PLEKHG6: variants seen among roughly 807,000 people sequenced by gnomAD.
PLEKHG6 encodes pleckstrin homology and RhoGEF domain containing G6, also known as pleckstrin homology domain-containing family G member 6.
PLEKHG6 carries 91 observed loss-of-function variants against 97.5 expected under a neutral mutation model. The ratio of observed to expected loss-of-function variants is 0.93; its 90% CI spans 0.79 to 1.11. The LOEUF (loss-of-function observed/expected upper bound fraction) is 1.11, where lower values mean the gene tolerates loss of function less well. Among genes scored for constraint, PLEKHG6 ranks in the 50% most tolerant of loss-of-function variants. The pLI is 0.00. For missense variants in PLEKHG6, 1,044 were observed against 1,031.0 expected (o/e 1.01, Z -0.17); for synonymous variants, 466 against 425.5 (o/e 1.10, Z -1.17).
intron 10 of PLEKHG6, 33 bp from the exon 11 acceptor site, chr12:6,318,268 A>T: frequency 6.2e-7 from 1 of 1,613,026 alleles, no homozygotes; most frequent in Non-Finnish European, 8.5e-7. Flanking sequence ...CAGACTGCCG[A>T]GCGCCCTGAC....
In PLEKHG6 at chr12:6,319,106, C is replaced by T. The variant is rs1947607159; in HGVS notation, c.1522C>T (p.Gln508Ter). 1 of 1,601,442 alleles carries T rather than the reference C, an allele frequency of 6.2e-7. No homozygotes were observed. The highest frequency in any genetic ancestry group is 1.1e-5 in the South Asian group (1 of 90,260). ...AQWLEKTQQA[Q>*]AALQKLKAEE... The stretch of plus-strand genomic sequence containing the variant: ...GTGGCTGGAGAAGACCCAGCAGGCC[C>T]AGGTATGGGAAAGCCAGCAACGGGG... Residue 508 changes from glutamine (Q) to a stop codon, truncating the protein, a stop_gained and splice_region_variant, in exon 13 of 16, where the codon CAG becomes TAG. Transcript: ENST00000684764. LOFTEE classifies it high-confidence loss of function.
rs779712563 is a variant in PLEKHG6, at chr12:6,326,414, G to C, written c.1525-14G>C. ...TAAATGAGAGCTCTTAATAACGAAA[G>C]TGTCCTGTCCCAGGCCGCCCTACAG... On this transcript the variant is annotated splice_polypyrimidine_tract_variant and intron_variant, in intron 13 of 15. Transcript: ENST00000684764. 1 of 1,611,176 alleles carries C rather than the reference G, an allele frequency of 6.2e-7. No homozygotes were observed. Among genetic ancestry groups the C allele is most frequent in the Non-Finnish European group, 8.5e-7 (1 of 1,177,694 alleles).
chr12:6,318,136 G>A (rs1398368150), intron 10 of PLEKHG6, 142 bp downstream of exon 10: 9 of 1,367,324 alleles, frequency 6.6e-6, no homozygotes, highest in Non-Finnish European at 9.0e-6. Flanking sequence ...CAGTCCAAGG[G>A]GTACAGGTCA....
At chr12:6,323,039 C>T (rs1429259865) in intron 13 of PLEKHG6, among the ~76,000 whole-genome samples, 1 of 151,940 alleles carries the variant, frequency 6.6e-6, no homozygotes, top group Non-Finnish European at 1.5e-5. Flanking sequence ...GCCTTTTTTC[C>T]TTCGGAACTG....
chr12:6,324,297 C>A (rs1392182980), intron 13 of PLEKHG6, among the ~76,000 whole-genome samples: 18 of 150,194 alleles, frequency 1.2e-4, no homozygotes, highest in Non-Finnish European at 7.4e-5. Context: ...CCCCCTCCCC[C>A]CCCCGCCGCC....
chr12:6,312,497 G>C (rs1947308574), intron 2 of PLEKHG6, 133 bp downstream of exon 2: 1 of 1,166,386 alleles, frequency 8.6e-7, no homozygotes, highest in Non-Finnish European at 1.2e-6. Flanking sequence ...TCTTTCCTGG[G>C]TTGCGGGAAA....
intron 9 of PLEKHG6, 76 bp from the exon 10 acceptor site, chr12:6,317,781 C>A: frequency 6.4e-7 from 1 of 1,557,236 alleles, no homozygotes; most frequent in South Asian, 1.2e-5. Context: ...GACAGTGTGG[C>A]GCTGTGCTGT....
intron 12 of PLEKHG6, 50 bp downstream of exon 12, chr12:6,318,927 G>T (rs374089798): frequency 7.0e-5 from 113 of 1,613,026 alleles, no homozygotes; most frequent in Middle Eastern, 6.6e-4. Flanking sequence ...CTCAGCGAGG[G>T]GAAGGAGGAG....
rs912274195 is a variant in PLEKHG6 at position 6,317,794 on chromosome 12, C to T, written c.1018-63C>T. 42 of 1,547,048 alleles carry T rather than the reference C, an allele frequency of 2.7e-5. No individual in the cohort carries two copies. In the Middle Eastern group the frequency reaches 1.0e-3, roughly 38 times the overall value. On this transcript the variant is annotated intron_variant, in intron 9 of 15. Coordinates refer to ENST00000684764, the MANE Select transcript of PLEKHG6 (RefSeq NM_001384598.1). ...GTGACAGTGTGGCGCTGTGCTGTGGCTGGCATTGGTTGGGAGGGGACGGCT... is the reference window on the plus strand; with the variant it reads ...GTGACAGTGTGGCGCTGTGCTGTGGTTGGCATTGGTTGGGAGGGGACGGCT...
intron 13 of PLEKHG6, chr12:6,319,677 T>C (rs1216490776): frequency 6.5e-7 from 1 of 1,532,490 alleles, no homozygotes; most frequent in Non-Finnish European, 8.7e-7. Flanking sequence ...CCTGAAGGTT[T>C]GTACAGCCTG....
At chr12:6,319,483 G>C (rs1416542470) in intron 13 of PLEKHG6, 11 of 1,405,506 alleles carry the variant, frequency 7.8e-6, no homozygotes, top group East Asian at 5.0e-5. Flanking sequence ...AAGGAAGGAA[G>C]GAACGAATGA....
chr12:6,318,910 C>G (rs372619580), intron 12 of PLEKHG6, 33 bp downstream of exon 12: 4 of 1,614,030 alleles, frequency 2.5e-6, no homozygotes, highest in Non-Finnish European at 3.4e-6. Context: ...CTTTTCTTCT[C>G]CCTCTTCTCA....
chr12:6,312,182 G>A lies in PLEKHG6; in HGVS notation c.-45G>A. The A allele has an allele frequency of 1.4e-6, 2 of 1,438,320 alleles. No individual in the cohort carries two copies. The highest frequency in any genetic ancestry group is 3.0e-5 in the African/African-American group (2 of 67,218). 89.1% of individuals were successfully genotyped at this position (1,438,320 alleles called of 1,614,324 possible). On this transcript the variant is annotated 5_prime_UTR_variant, in exon 2 of 16. Coordinates refer to ENST00000684764, the MANE Select transcript of PLEKHG6 (RefSeq NM_001384598.1). Reference sequence around the variant, plus strand: ...AGCCCTAGGGGACCTCTTTCTCCTGGACATTGAAGATATGGCCCTTTGGAG... The same window carrying A: ...AGCCCTAGGGGACCTCTTTCTCCTGAACATTGAAGATATGGCCCTTTGGAG...
chr12:6,328,483 TA>T lies in PLEKHG6; in HGVS notation c.*339del, dbSNP rs1042966417. On this transcript the variant is annotated 3_prime_UTR_variant, in exon 16 of 16. Coordinates refer to ENST00000684764, the MANE Select transcript of PLEKHG6 (RefSeq NM_001384598.1). ...GGGCAATATAGGGAAACCCTGTCTT[TA>T]CAAAAAAAAATTTTAAAAATTACCC... 4.3e-6 allele frequency: 1 copy of T among 234,344 alleles called. No individual in the cohort carries two copies. The highest frequency in any genetic ancestry group is 8.1e-6 in the Non-Finnish European group (1 of 122,840). The allele number at this position is 234,344 out of a possible 1,614,324, so 14.5% of individuals were successfully genotyped here.
intron 2 of PLEKHG6, chr12:6,313,140 G>C (rs763139127): frequency 1.3e-6 from 2 of 1,546,500 alleles, no homozygotes; most frequent in Non-Finnish European, 8.7e-7. Context: ...GCCACTCCCA[G>C]CTGGATGGGA....
At chr12:6,312,927 G>T in intron 2 of PLEKHG6, 1 of 1,405,016 alleles carries the variant, frequency 7.1e-7, no homozygotes, top group Non-Finnish European at 9.3e-7. Context: ...CTTGAGGACA[G>T]TTCTGCTTGT....
chr12:6,326,736 G>A (rs1947870723), intron 14 of PLEKHG6, among the ~76,000 whole-genome samples, 163 bp downstream of exon 14: 1 of 152,194 alleles, frequency 6.6e-6, no homozygotes, highest in Admixed American at 6.5e-5. Context: ...TGGGTCGGAA[G>A]GTTGGTACCA....
Position 6,315,673 on chromosome 12 carries a change from C to T in PLEKHG6, c.555+24C>T, listed in dbSNP as rs59562184. The T allele has an allele frequency of 2.1e-6, 3 of 1,452,486 alleles. No homozygotes were observed. The African/African-American group carries it at 4.2e-5, about 20-fold the overall frequency. The allele number at this position is 1,452,486 out of a possible 1,614,324, so 90.0% of individuals were successfully genotyped here. On this transcript the variant is annotated intron_variant, in intron 5 of 15. Coordinates refer to ENST00000684764, the MANE Select transcript of PLEKHG6 (RefSeq NM_001384598.1). This position sits in a 1 kb window ranked among gnomAD's most constrained non-coding sequence, Gnocchi z 4.5. Reference sequence around the variant, plus strand: ...ATGTGAGCCCCCCTCAGCCCCAGCCCCGGCCCCATCTTCCCTGCATGAGCC... The same window carrying T: ...ATGTGAGCCCCCCTCAGCCCCAGCCTCGGCCCCATCTTCCCTGCATGAGCC...
At chr12:6,319,212 C>T in intron 13 of PLEKHG6, 104 bp downstream of exon 13, 1 of 763,280 alleles carries the variant, frequency 1.3e-6, no homozygotes. Context: ...CTTTGGGAGG[C>T]TGAGGCAGGT....
Sources: allele counts gnomAD v4.1 joint callset (sites outside exome capture counted in the v4.1 genomes callset), GRCh38; gene constraint gnomAD v4.1.1; non-coding constraint Gnocchi (gnomAD v3.1); transcripts MANE v1.5; gene names NCBI Gene and HGNC (gene_info 2026-07-23, HGNC 2026-07-21).